Variants in DLG2 observed in about 807,000 individuals in gnomAD.
The protein encoded by DLG2 is discs large MAGUK scaffold protein 2.
In DLG2, 45 loss-of-function variants were observed where a neutral mutation model predicts 132.5. The ratio of observed to expected loss-of-function variants is 0.34; its 90% CI spans 0.27 to 0.44. The LOEUF (loss-of-function observed/expected upper bound fraction) is 0.44. DLG2 is among the 20% of genes least tolerant of loss of function. The pLI is 1.00. For missense variants in DLG2, 1,045 were observed against 1,196.9 expected (o/e 0.87, Z 1.87); for synonymous variants, 424 against 419.6 (o/e 1.01, Z -0.13).
At chr11:85,345,589 C>T (rs2082777885) in intron 3 of DLG2, among the ~76,000 whole-genome samples, 1 of 152,080 alleles carries the variant, frequency 6.6e-6, no homozygotes, top group Admixed American at 6.5e-5. Context: ...TCTGGAAAGT[C>T]CATTATCCTT....
At chr11:85,163,226 C>A (rs2078175522) in intron 4 of DLG2, among the ~76,000 whole-genome samples, 1 of 147,702 alleles carries the variant, frequency 6.8e-6, no homozygotes, top group Non-Finnish European at 1.5e-5. Context: ...CACACACAGA[C>A]ACACACACAC....
intron 4 of DLG2, among the ~76,000 whole-genome samples, chr11:85,263,478 T>C (rs1375195372): frequency 1.3e-5 from 2 of 152,178 alleles, no homozygotes; most frequent in South Asian, 2.1e-4. Context: ...CCAGAAAGGA[T>C]AGGAGAGAGT....
At chr11:84,316,704 A>G in intron 7 of DLG2, 1 of 1,096,548 alleles carries the variant, frequency 9.1e-7, no homozygotes, top group Middle Eastern at 2.1e-4. Context: ...TTCTTGGCCT[A>G]ATATTTTACA....
intron 17 of DLG2, among the ~76,000 whole-genome samples, chr11:83,792,141 G>A (rs552386707): frequency 7.2e-5 from 11 of 152,246 alleles, no homozygotes; most frequent in African/African-American, 2.6e-4. Context: ...TTTTCAGTGA[G>A]ATCCCTCTTG....
At chr11:84,043,591 A>AT (rs2096158051) in intron 11 of DLG2, among the ~76,000 whole-genome samples, 1 of 151,614 alleles carries the variant, frequency 6.6e-6, no homozygotes, top group Non-Finnish European at 1.5e-5. Context: ...AAAGTGATAT[A>AT]TTTTTTGAAT....
intron 3 of DLG2, among the ~76,000 whole-genome samples, chr11:85,421,689 A>G (rs1426574853): frequency 6.6e-6 from 1 of 152,180 alleles, no homozygotes; most frequent in Non-Finnish European, 1.5e-5. Context: ...GTGAGGTACC[A>G]TTCCATTCAT....
intron 7 of DLG2, among the ~76,000 whole-genome samples, chr11:84,490,433 C>T (rs1188300370): frequency 6.6e-6 from 1 of 152,016 alleles, no homozygotes; most frequent in Non-Finnish European, 1.5e-5. Context: ...GGACAGCTGG[C>T]AGGGCTGATT....
chr11:85,023,287 A>G lies in DLG2; in HGVS notation c.357+88374T>C, dbSNP rs563978086. Among the ~76,000 whole-genome samples the G allele has an allele frequency of 5.9e-5, 9 of 152,172 alleles. No individual in the cohort carries two copies. The East Asian group carries it at 1.5e-3, about 26-fold the overall frequency. On this transcript the variant is annotated intron_variant, in intron 6 of 27. Coordinates refer to ENST00000376104, the MANE Select transcript of DLG2 (RefSeq NM_001142699.3). ...CCTTAGGCTTTTTCTTACAGTTTCA[A>G]TGTGGATTATTATTGTCAGAGTAAA...
At chr11:84,945,101 T>G (rs2154099374) in intron 6 of DLG2, among the ~76,000 whole-genome samples, 1 of 152,336 alleles carries the variant, frequency 6.6e-6, no homozygotes, top group South Asian at 2.1e-4. Context: ...TAGTGGATGT[T>G]GGTCAATGTC....
chr11:85,568,400 A>G (rs2077653776), intron 3 of DLG2, among the ~76,000 whole-genome samples: 1 of 152,078 alleles, frequency 6.6e-6, no homozygotes, highest in Admixed American at 6.6e-5. Flanking sequence ...CTTGTACTGT[A>G]TTTGGCTTTG....
intron 7 of DLG2, among the ~76,000 whole-genome samples, chr11:84,440,054 T>C (rs963167074): frequency 1.2e-4 from 19 of 152,224 alleles, no homozygotes; most frequent in Admixed American, 1.2e-3. Context: ...GGAGAGATCT[T>C]TGATGTTTGA....
Position 85,585,971 on chromosome 11 carries a change from C to A in DLG2, c.40+12686G>T, listed in dbSNP as rs547541414. 1.4e-3 allele frequency among the ~76,000 whole-genome samples: 209 copies of A among 152,294 alleles called. 2 individuals carry two copies. Among genetic ancestry groups the A allele is most frequent in the African/African-American group, 4.7e-3 (197 of 41,568 alleles). On this transcript the variant is annotated intron_variant, in intron 3 of 27. Coordinates refer to ENST00000376104, the MANE Select transcript of DLG2 (RefSeq NM_001142699.3). ...CTGACCTCATGATCCACCCTCTCAG[C>A]CTCTCAAAGTGCTGGGATTACAGGC...
intron 6 of DLG2, among the ~76,000 whole-genome samples, chr11:84,674,056 C>T (rs1159008987): frequency 6.6e-6 from 1 of 152,154 alleles, no homozygotes; most frequent in Admixed American, 6.5e-5. Flanking sequence ...GTAGGGGTAA[C>T]TCTTAGAAAA....
intron 22 of DLG2, among the ~76,000 whole-genome samples, chr11:83,474,762 A>G (rs541807280): frequency 6.6e-6 from 1 of 152,248 alleles, no homozygotes; most frequent in Admixed American, 6.5e-5. Flanking sequence ...GTTTCTGTCA[A>G]TATGGTCATT....
At chr11:84,631,263 TA>T (rs10715691) in intron 6 of DLG2, among the ~76,000 whole-genome samples, 78,714 of 151,406 alleles carry the variant, frequency 0.52, 22,259 homozygotes, top group African/African-American at 0.74. Flanking sequence ...AATTAGCCCA[TA>T]AAAAAAAATC....
At chr11:84,733,980 C>G (rs2063494481) in intron 6 of DLG2, among the ~76,000 whole-genome samples, 1 of 152,086 alleles carries the variant, frequency 6.6e-6, no homozygotes, top group African/African-American at 2.4e-5. Flanking sequence ...GGGCTCTGTT[C>G]TGTTCCATTG....
intron 18 of DLG2, among the ~76,000 whole-genome samples, chr11:83,640,009 CA>C (rs2066012613): frequency 6.6e-6 from 1 of 152,130 alleles, no homozygotes; most frequent in African/African-American, 2.4e-5. Flanking sequence ...TGACTCCTGT[CA>C]GGACAAAGAC....
intron 6 of DLG2, chr11:84,955,461 G>A (rs1439474161): frequency 6.6e-6 from 1 of 152,120 alleles, no homozygotes; most frequent in Non-Finnish European, 1.5e-5. Context: ...ATATTTTATA[G>A]CCTCACAATA....
In DLG2 at chr11:84,346,588, T is replaced by C. The variant is rs186471591; in HGVS notation, c.520-95297A>G. Among the ~76,000 whole-genome samples the C allele has an allele frequency of 3.3e-5, 5 of 152,366 alleles. No individual in the cohort carries two copies. The East Asian group carries it at 9.6e-4, about 29-fold the overall frequency. ...GTAATCTGGAGACTGCAGTTTTCTT[T>C]TTTGTTTTGAAATGGAGTCTTGCTG... On this transcript the variant is annotated intron_variant, in intron 7 of 27. Transcript: ENST00000376104.
Sources: gnomAD v4.1 joint callset for allele counts (sites outside exome capture counted in the v4.1 genomes callset) on GRCh38, gnomAD v4.1.1 for gene constraint, MANE v1.5 for transcripts, NCBI Gene and HGNC (gene_info 2026-07-23, HGNC 2026-07-21) for gene names.